The following HOXA11 variants were observed in gnomAD, a reference collection of about 807,000 sequenced individuals.
The protein encoded by HOXA11 is homeobox protein Hox-A11.
HOXA11 carries 8 observed loss-of-function variants against 22.5 expected under a neutral mutation model. That is an observed-to-expected ratio of 0.36 (90% CI 0.21 to 0.64). The LOEUF (loss-of-function observed/expected upper bound fraction) is 0.64, where lower values mean the gene tolerates loss of function less well. HOXA11 is among the 30% of genes least tolerant of loss of function. The probability of loss-of-function intolerance (pLI) is 0.67; values close to 1 mark genes in which losing one functional copy is unlikely to be tolerated. For synonymous variants in HOXA11, 211 were observed against 188.4 expected (o/e 1.12, Z -0.98); for missense variants, 388 against 429.0 (o/e 0.90, Z 0.84).
chr7:27,182,413 G>A lies in HOXA11; in HGVS notation c.*383C>T, dbSNP rs1783784682. 2.4e-6 allele frequency: 1 copy of A among 411,362 alleles called. No homozygotes were observed. The highest frequency in any genetic ancestry group is 2.0e-5 in the African/African-American group (1 of 50,472). 25.5% of individuals were successfully genotyped at this position (411,362 alleles called of 1,614,324 possible). ...GGAGAGCACACAGCTTTTTTACTCA[G>A]GGGTCCTGGGGGTGGGTAGGCTCCC... On this transcript the variant is annotated 3_prime_UTR_variant, in exon 2 of 2. Coordinates refer to ENST00000006015, the MANE Select transcript of HOXA11 (RefSeq NM_005523.6).
At chr7:27,183,165 G>C (rs1001802119) in intron 1 of HOXA11, 137 bp from the exon 2 acceptor site, 1 of 636,404 alleles carries the variant, frequency 1.6e-6, no homozygotes. Context: ...CCAGGCCCCT[G>C]CCTTTAACGC....
Position 27,181,855 on chromosome 7 carries a change from A to C in HOXA11, c.*941T>G, listed in dbSNP as rs1266320881. The C allele has an allele frequency of 1.4e-5, 3 of 222,178 alleles. No homozygotes were observed. The highest frequency in any genetic ancestry group is 2.7e-5 in the Non-Finnish European group (3 of 111,168). 13.8% of individuals were successfully genotyped at this position (222,178 alleles called of 1,614,324 possible). Reference sequence around the variant, plus strand: ...GGAACCCGGTGTTTTGGGGGACTCAAGGCCCTCATAGCCAAAGCTGGGGAC... The same window carrying C: ...GGAACCCGGTGTTTTGGGGGACTCACGGCCCTCATAGCCAAAGCTGGGGAC... On this transcript the variant is annotated 3_prime_UTR_variant, in exon 2 of 2. Transcript: ENST00000006015.
At chr7:27,184,246 TA>T (rs1486526035) in intron 1 of HOXA11, among the ~76,000 whole-genome samples, 189 bp downstream of exon 1, 1 of 151,782 alleles carries the variant, frequency 6.6e-6, no homozygotes, top group Non-Finnish European at 1.5e-5. Flanking sequence ...GGCCGGTGGG[TA>T]TTTCACGGCC....
At position 27,185,176 on chromosome 7, in the gene HOXA11, C is replaced by A; in HGVS notation, c.-32G>T. 3.1e-6 allele frequency: 5 copies of A among 1,613,162 alleles called. No homozygotes were observed. Among genetic ancestry groups the A allele is most frequent in the Non-Finnish European group, 4.2e-6 (5 of 1,179,978 alleles). ...GCTACCTTGGGCTCTCCGCAGTAGC[C>A]GAGCTTAACATGATTCTCCACTGCA... On this transcript the variant is annotated 5_prime_UTR_variant, in exon 1 of 2. Transcript: ENST00000006015.
rs745451301 is a variant in HOXA11, at chr7:27,184,547, A to AGCC, written c.595_597dup (p.Gly199dup). The AGCC allele has an allele frequency of 7.6e-5, 114 of 1,494,642 alleles. 2 individuals are homozygous for AGCC. The Middle Eastern group carries it at 8.9e-4, about 12-fold the overall frequency. The allele number at this position is 1,494,642 out of a possible 1,614,324, so 92.6% of individuals were successfully genotyped here. On this transcript the variant is annotated inframe_insertion, in exon 1 of 2. Coordinates refer to ENST00000006015, the MANE Select transcript of HOXA11 (RefSeq NM_005523.6). ...TCTGCTGCCGCCGCCGTCTCCCGGC[A>AGCC]GCCGCCGCCGCCGCCGCTGTCCGAA... is the stretch of plus-strand genomic sequence containing the variant.
intron 1 of HOXA11, among the ~76,000 whole-genome samples, chr7:27,183,673 C>T (rs753838531): frequency 7.0e-6 from 1 of 142,302 alleles, no homozygotes; most frequent in Non-Finnish European, 1.5e-5. Flanking sequence ...GGCAGAGCAG[C>T]GGCTCTATCT....
rs1026121255 is a variant in HOXA11, at chr7:27,182,337, T to C, written c.*459A>G. On this transcript the variant is annotated 3_prime_UTR_variant, in exon 2 of 2. Coordinates refer to ENST00000006015, the MANE Select transcript of HOXA11 (RefSeq NM_005523.6). Reference sequence around the variant, plus strand: ...GGAAAGCAGCCTCATTCTGGGCACCTAGTAATCCTACCCCTTCCTCCTGCC... The same window carrying C: ...GGAAAGCAGCCTCATTCTGGGCACCCAGTAATCCTACCCCTTCCTCCTGCC... 4 of 286,404 alleles carry C rather than the reference T, an allele frequency of 1.4e-5. No individual in the cohort carries two copies. Among genetic ancestry groups the C allele is most frequent in the Admixed American group, 4.7e-5 (1 of 21,418 alleles). 17.7% of individuals were successfully genotyped at this position (286,404 alleles called of 1,614,324 possible).
At chr7:27,183,412 T>A (rs375310646) in intron 1 of HOXA11, among the ~76,000 whole-genome samples, 188 of 152,318 alleles carry the variant, frequency 1.2e-3, no homozygotes, top group African/African-American at 4.3e-3. Flanking sequence ...CATTTCACCT[T>A]CCAGCACCTG....
Position 27,184,568 on chromosome 7 carries a change from C to T in HOXA11, c.577G>A (p.Asp193Asn), listed in dbSNP as rs1227018482. 3 of 1,505,674 alleles carry T rather than the reference C, an allele frequency of 2.0e-6. No homozygotes were observed. In the South Asian group the frequency reaches 3.8e-5, roughly 19 times the overall value. 93.3% of individuals were successfully genotyped at this position (1,505,674 alleles called of 1,614,324 possible). Reference sequence around the variant, plus strand: ...CGGCAGCCGCCGCCGCCGCCGCTGTCCGAACTTGAAGTTGCCGGCGCGCCC... The same window carrying T: ...CGGCAGCCGCCGCCGCCGCCGCTGTTCGAACTTGAAGTTGCCGGCGCGCCC... ...ATGAPATSSS[D>N]SGGGGGCRET... Residue 193 changes from aspartate (D) to asparagine (N), a missense_variant, in exon 1 of 2, where the codon GAC (aspartate) becomes AAC (asparagine). Around this residue, in one of 4 missense-constraint regions of HOXA11, gnomAD observed 295 missense variants for 281.1 expected, o/e 1.05. Transcript: ENST00000006015.
At position 27,182,671 on chromosome 7, in the gene HOXA11, C is replaced by G; in HGVS notation, c.*125G>C. On this transcript the variant is annotated 3_prime_UTR_variant, in exon 2 of 2. Transcript: ENST00000006015. ...CAGACCACCTCCTGTGGGGCTATCTCCATGCATCCCTCTCTTGCACACCTC... is the reference window on the plus strand; with the variant it reads ...CAGACCACCTCCTGTGGGGCTATCTGCATGCATCCCTCTCTTGCACACCTC... 1.3e-6 allele frequency: 1 copy of G among 742,810 alleles called. No homozygotes were observed. Among genetic ancestry groups the G allele is most frequent in the South Asian group, 1.4e-5 (1 of 70,600 alleles). 46.0% of individuals were successfully genotyped at this position (742,810 alleles called of 1,614,324 possible).
Position 27,182,747 on chromosome 7 carries a change from A to G in HOXA11, c.*49T>C, listed in dbSNP as rs377744532. 1.0e-5 allele frequency: 12 copies of G among 1,179,254 alleles called. No individual in the cohort carries two copies. In the African/African-American group the frequency reaches 1.8e-4, roughly 18 times the overall value. 73.0% of individuals were successfully genotyped at this position (1,179,254 alleles called of 1,614,324 possible). On this transcript the variant is annotated 3_prime_UTR_variant, in exon 2 of 2. Coordinates refer to ENST00000006015, the MANE Select transcript of HOXA11 (RefSeq NM_005523.6). ...ACTTTGTCAAGGGCAAAATCTGCAT[A>G]TTATCTCATGTGTATGAAGCCCCCC...
intron 1 of HOXA11, 90 bp from the exon 2 acceptor site, chr7:27,183,118 G>A: frequency 2.3e-6 from 2 of 858,480 alleles, no homozygotes; most frequent in African/African-American, 1.7e-5. Flanking sequence ...GCTGCCATGG[G>A]GACTGGTGGT....
Position 27,182,550 on chromosome 7 carries a change from A to AG in HOXA11, c.*245dup. On this transcript the variant is annotated 3_prime_UTR_variant, in exon 2 of 2. Transcript: ENST00000006015. Reference sequence around the variant, plus strand: ...CTGCAGGCTCCAAGAGTGAACCACCAGGGGTCCCAAACCTGTCATTCTAGC... The same window carrying AG: ...CTGCAGGCTCCAAGAGTGAACCACCAGGGGGTCCCAAACCTGTCATTCTAGC... 1 of 555,466 alleles carries AG rather than the reference A, an allele frequency of 1.8e-6. No homozygotes were observed. Among genetic ancestry groups the AG allele is most frequent in the East Asian group, 3.2e-5 (1 of 31,584 alleles). The allele number at this position is 555,466 out of a possible 1,614,324, so 34.4% of individuals were successfully genotyped here. A position where few individuals can be genotyped will look rare whatever the true frequency, so the allele number is the denominator to read the frequency against.
rs2115461102 is a variant in HOXA11 at position 27,182,688 on chromosome 7, G to A, written c.*108C>T. 1 of 785,192 alleles carries A rather than the reference G, an allele frequency of 1.3e-6. No homozygotes were observed. The highest frequency in any genetic ancestry group is 2.3e-6 in the Non-Finnish European group (1 of 432,062). 48.6% of individuals were successfully genotyped at this position (785,192 alleles called of 1,614,324 possible). ...GGCTATCTCCATGCATCCCTCTCTT[G>A]CACACCTCTTTTCAAAAGTCACCAT... On this transcript the variant is annotated 3_prime_UTR_variant, in exon 2 of 2. Transcript: ENST00000006015.
chr7:27,182,687 T>C lies in HOXA11; in HGVS notation c.*109A>G, dbSNP rs770470576. 1.3e-6 allele frequency: 1 copy of C among 783,954 alleles called. No individual in the cohort carries two copies. Among genetic ancestry groups the C allele is most frequent in the Non-Finnish European group, 2.3e-6 (1 of 431,156 alleles). 48.6% of individuals were successfully genotyped at this position (783,954 alleles called of 1,614,324 possible). ...GGGCTATCTCCATGCATCCCTCTCT[T>C]GCACACCTCTTTTCAAAAGTCACCA... On this transcript the variant is annotated 3_prime_UTR_variant, in exon 2 of 2. Transcript: ENST00000006015.
chr7:27,182,093 G>GATCTC lies in HOXA11; in HGVS notation c.*702_*703insGAGAT. 2 of 236,370 alleles carry GATCTC rather than the reference G, an allele frequency of 8.5e-6. No individual in the cohort carries two copies. The highest frequency in any genetic ancestry group is 1.7e-4 in the South Asian group (1 of 5,786). The allele number at this position is 236,370 out of a possible 1,614,324, so 14.6% of individuals were successfully genotyped here. A position where few individuals can be genotyped will look rare whatever the true frequency, so the allele number is the denominator to read the frequency against. On this transcript the variant is annotated 3_prime_UTR_variant, in exon 2 of 2. Transcript: ENST00000006015. Reference sequence around the variant, plus strand: ...GTCGAGGCTTTGGGCCTGAGTGGCAGGCTGGAACCAAGACCCTCATTTGGT... The same window carrying GATCTC: ...GTCGAGGCTTTGGGCCTGAGTGGCAGATCTCGCTGGAACCAAGACCCTCATTTGGT...
Position 27,182,726 on chromosome 7 carries a change from T to C in HOXA11, c.*70A>G. 2 of 1,017,264 alleles carry C rather than the reference T, an allele frequency of 2.0e-6. No individual in the cohort carries two copies. The highest frequency in any genetic ancestry group is 3.1e-6 in the Non-Finnish European group (2 of 636,036). The allele number at this position is 1,017,264 out of a possible 1,614,324, so 63.0% of individuals were successfully genotyped here. A position where few individuals can be genotyped will look rare whatever the true frequency, so the allele number is the denominator to read the frequency against. ...CAAAAGTCACCATGTGGCTTGACTT[T>C]GTCAAGGGCAAAATCTGCATATTAT... On this transcript the variant is annotated 3_prime_UTR_variant, in exon 2 of 2. Coordinates refer to ENST00000006015, the MANE Select transcript of HOXA11 (RefSeq NM_005523.6).
rs1444406565 is a variant in HOXA11, at chr7:27,183,047, C to T, written c.710-19G>A. The T allele has an allele frequency of 6.4e-7, 1 of 1,568,358 alleles. No individual in the cohort carries two copies. The highest frequency in any genetic ancestry group is 1.7e-5 in the Admixed American group (1 of 59,770). ...TGGCCACCTGTGGAGGGAGAAAAGG[C>T]ATGGGGTGAGCCAGGTGTGGGGGCT... On this transcript the variant is annotated intron_variant, in intron 1 of 1. Transcript: ENST00000006015.
chr7:27,182,019 G>A lies in HOXA11; in HGVS notation c.*777C>T, dbSNP rs1783777062. On this transcript the variant is annotated 3_prime_UTR_variant, in exon 2 of 2. Coordinates refer to ENST00000006015, the MANE Select transcript of HOXA11 (RefSeq NM_005523.6). ...CTCAGGGGCCAGTGGCCTGGCTGCA[G>A]CCTCTTGGCTTTTCCACATCTCCCA... 1 of 232,028 alleles carries A rather than the reference G, an allele frequency of 4.3e-6. No individual in the cohort carries two copies. The highest frequency in any genetic ancestry group is 8.5e-6 in the Non-Finnish European group (1 of 117,256). The allele number at this position is 232,028 out of a possible 1,614,324, so 14.4% of individuals were successfully genotyped here.
Sources: gnomAD v4.1 joint callset for allele counts (sites outside exome capture counted in the v4.1 genomes callset) on GRCh38, gnomAD v4.1.1 for gene constraint, gnomAD v4.1.1 regional missense constraint, MANE v1.5 for transcripts, NCBI Gene and HGNC (gene_info 2026-07-23, HGNC 2026-07-21) for gene names.